ST6GAL1: variants seen among roughly 807,000 people sequenced by gnomAD.
The protein encoded by ST6GAL1 is ST6 beta-galactoside alpha-2,6-sialyltransferase 1.
In ST6GAL1, 20 loss-of-function variants were observed where a neutral mutation model predicts 38.0. The observed-to-expected ratio is 0.53, with a 90% CI of 0.37 to 0.77. ST6GAL1 has a LOEUF of 0.77. ST6GAL1 is among the 30% of genes least tolerant of loss of function. The pLI is 0.00. For synonymous variants in ST6GAL1, 196 were observed against 188.2 expected, an observed-to-expected ratio of 1.04 and a Z score of -0.34; for missense variants, 432 against 496.4, an observed-to-expected ratio of 0.87 and a Z score of 1.23.
intron 2 of ST6GAL1, among the ~76,000 whole-genome samples, chr3:186,977,612 G>A (rs1346853599): frequency 6.6e-6 from 1 of 152,130 alleles, no homozygotes; most frequent in Non-Finnish European, 1.5e-5. Flanking sequence ...AGGGCGGAAG[G>A]CAACTTGGAA....
rs191772873 is a variant in ST6GAL1 at position 187,065,783 on chromosome 3, T to A, written c.706-7066T>A. Among the ~76,000 whole-genome samples, 6 of 152,336 alleles carry A rather than the reference T, an allele frequency of 3.9e-5. No homozygotes were observed. In the East Asian group the frequency reaches 1.2e-3, roughly 29 times the overall value. ...TTACTCAGTGGGGCTTATCTTGAAATAATAGTTGATGCCATTTGTTAAATA... is the reference window on the plus strand; with the variant it reads ...TTACTCAGTGGGGCTTATCTTGAAAAAATAGTTGATGCCATTTGTTAAATA... On this transcript the variant is annotated intron_variant, in intron 5 of 7. Coordinates refer to ENST00000169298, the MANE Select transcript of ST6GAL1 (RefSeq NM_173216.2).
At chr3:186,954,769 G>A (rs952344215) in intron 1 of ST6GAL1, among the ~76,000 whole-genome samples, 7 of 151,730 alleles carry the variant, frequency 4.6e-5, no homozygotes, top group South Asian at 2.1e-4. Flanking sequence ...ATTTTCTCCC[G>A]TTCTGTAGGC....
chr3:187,004,609 G>T (rs1254666941), intron 2 of ST6GAL1, among the ~76,000 whole-genome samples: 1 of 152,182 alleles, frequency 6.6e-6, no homozygotes, highest in Non-Finnish European at 1.5e-5. Context: ...ATGATGTCCT[G>T]TTAGCTTATA....
At chr3:187,015,340 G>A (rs1391301706) in intron 2 of ST6GAL1, among the ~76,000 whole-genome samples, 1 of 152,168 alleles carries the variant, frequency 6.6e-6, no homozygotes, top group Non-Finnish European at 1.5e-5. Context: ...AATACCAAGG[G>A]TCAACTATAA....
At chr3:186,944,366 A>T (rs1225625165) in intron 1 of ST6GAL1, among the ~76,000 whole-genome samples, 1 of 152,194 alleles carries the variant, frequency 6.6e-6, no homozygotes, top group Non-Finnish European at 1.5e-5. Context: ...AGGGCATAAC[A>T]TATGAGCAAA....
intron 5 of ST6GAL1, among the ~76,000 whole-genome samples, chr3:187,058,245 G>A (rs755682769): frequency 2.6e-5 from 4 of 152,174 alleles, no homozygotes; most frequent in Admixed American, 6.5e-5. Context: ...GACCCCTTGC[G>A]CTTCCTGGGT....
intron 2 of ST6GAL1, among the ~76,000 whole-genome samples, chr3:186,971,249 T>C (rs1418013639): frequency 6.6e-6 from 1 of 152,154 alleles, no homozygotes; most frequent in African/African-American, 2.4e-5. Context: ...CCACCATGCC[T>C]GGCTAATTTT....
intron 2 of ST6GAL1, among the ~76,000 whole-genome samples, chr3:186,968,253 A>G (rs1415453357): frequency 6.6e-6 from 1 of 152,174 alleles, no homozygotes; most frequent in African/African-American, 2.4e-5. Flanking sequence ...AAATGGGCCG[A>G]ATAATACCTA....
chr3:186,984,943 C>G (rs557461542), intron 2 of ST6GAL1, among the ~76,000 whole-genome samples: 1 of 151,436 alleles, frequency 6.6e-6, no homozygotes, highest in Non-Finnish European at 1.5e-5. Flanking sequence ...GGGTCTCGCT[C>G]TGTCACCCAG....
At chr3:187,010,355 T>C (rs911604026) in intron 2 of ST6GAL1, among the ~76,000 whole-genome samples, 10 of 152,248 alleles carry the variant, frequency 6.6e-5, no homozygotes, top group African/African-American at 2.4e-4. Context: ...GTGTATGTTA[T>C]TATTTTAATT....
chr3:186,946,622 T>C (rs900058162), intron 1 of ST6GAL1, among the ~76,000 whole-genome samples: 3 of 152,224 alleles, frequency 2.0e-5, no homozygotes, highest in Admixed American at 6.5e-5. Flanking sequence ...CTTCTATCCA[T>C]ATACAGATAT....
intron 1 of ST6GAL1, among the ~76,000 whole-genome samples, chr3:186,946,173 A>G (rs1714360992): frequency 6.6e-6 from 1 of 151,422 alleles, no homozygotes; most frequent in African/African-American, 2.4e-5. Flanking sequence ...TGTACTGGGC[A>G]TGGTGGCGGG....
At chr3:187,018,069 G>C (rs578139615) in intron 2 of ST6GAL1, among the ~76,000 whole-genome samples, 1 of 152,100 alleles carries the variant, frequency 6.6e-6, no homozygotes, top group Non-Finnish European at 1.5e-5. Context: ...GCTGTGTCCC[G>C]GGGGAGGCAG....
intron 2 of ST6GAL1, among the ~76,000 whole-genome samples, chr3:186,990,000 T>G (rs1716102049): frequency 6.6e-6 from 1 of 152,242 alleles, no homozygotes; most frequent in African/African-American, 2.4e-5. Context: ...ATGAGTTGGT[T>G]TGAATCCTAG....
intron 2 of ST6GAL1, among the ~76,000 whole-genome samples, chr3:186,997,959 A>C (rs1716477407): frequency 6.6e-6 from 1 of 152,064 alleles, no homozygotes; most frequent in African/African-American, 2.4e-5. Context: ...TAAAAAAGCA[A>C]AAAGAGGCCG....
At chr3:186,974,736 G>GA (rs1715467350) in intron 2 of ST6GAL1, among the ~76,000 whole-genome samples, 1 of 149,688 alleles carries the variant, frequency 6.7e-6, no homozygotes, top group African/African-American at 2.5e-5. Flanking sequence ...TGGGGGGGGG[G>GA]CGCCCACAGC....
Position 187,042,597 on chromosome 3 carries a change from A to T in ST6GAL1, c.-50-57A>T, listed in dbSNP as rs1281408971. 5.4e-6 allele frequency: 8 copies of T among 1,471,986 alleles called. No homozygotes were observed. The African/African-American group carries it at 7.1e-5, about 13-fold the overall frequency. The allele number at this position is 1,471,986 out of a possible 1,614,324, so 91.2% of individuals were successfully genotyped here. On this transcript the variant is annotated intron_variant, in intron 3 of 7. Transcript: ENST00000169298. Reference sequence around the variant, plus strand: ...ATTGCTCAGTCCATCGCTCCGCCTCATGCCACATTGGGTTTTTCTTTACAT... The same window carrying T: ...ATTGCTCAGTCCATCGCTCCGCCTCTTGCCACATTGGGTTTTTCTTTACAT...
At chr3:187,001,022 G>T (rs1167487642) in intron 2 of ST6GAL1, among the ~76,000 whole-genome samples, 4 of 152,224 alleles carry the variant, frequency 2.6e-5, no homozygotes, top group Non-Finnish European at 4.4e-5. Context: ...TTGGCAGAAA[G>T]GTGCCTTCCT....
At chr3:187,074,402 CTCAT>C in intron 7 of ST6GAL1, 69 bp downstream of exon 7, 3 of 1,434,102 alleles carry the variant, frequency 2.1e-6, no homozygotes, top group Non-Finnish European at 2.8e-6. Flanking sequence ...TTTCTGGGGT[CTCAT>C]TCAGTCATTC....
Sources: allele counts gnomAD v4.1 joint callset (sites outside exome capture counted in the v4.1 genomes callset), GRCh38; gene constraint gnomAD v4.1.1; transcripts MANE v1.5; gene names NCBI Gene and HGNC (gene_info 2026-07-23, HGNC 2026-07-21).